AMOTL1: variants seen among roughly 807,000 people sequenced by gnomAD.
The protein encoded by AMOTL1 is angiomotin-like protein 1.
A neutral mutation model predicts 102.9 loss-of-function variants in AMOTL1; 45 were observed. That is an observed-to-expected ratio of 0.44 (90% CI 0.34 to 0.56). The LOEUF (loss-of-function observed/expected upper bound fraction) is 0.56. Among genes scored for constraint, AMOTL1 ranks in the 20% least tolerant of loss-of-function variants. The probability of loss-of-function intolerance (pLI) is 0.01; values close to 1 mark genes in which losing one functional copy is unlikely to be tolerated. For missense variants in AMOTL1, 1,114 were observed against 1,225.6 expected (o/e 0.91, Z 1.36); for synonymous variants, 481 against 484.7 (o/e 0.99, Z 0.10).
At chr11:94,794,411 G>A (rs1007482323) in intron 1 of AMOTL1, among the ~76,000 whole-genome samples, 2 of 152,180 alleles carry the variant, frequency 1.3e-5, no homozygotes, top group African/African-American at 2.4e-5. Context: ...TCCAGTTTGT[G>A]TGTGAAGCAG....
At chr11:94,844,316 CCT>C (rs140827996) in intron 6 of AMOTL1, among the ~76,000 whole-genome samples, 1 of 151,942 alleles carries the variant, frequency 6.6e-6, no homozygotes. Flanking sequence ...TGCCTTCATA[CCT>C]CTCTCTCTCT....
In AMOTL1 at chr11:94,720,371, C is replaced by T. The variant is rs572751480; in HGVS notation, c.-50-8550C>T. Reference sequence around the variant, plus strand: ...GCGAAACAGCTGCACCTCAGAAGCCCAGACTGTGGCTGGTACCGGAAGGTT... The same window carrying T: ...GCGAAACAGCTGCACCTCAGAAGCCTAGACTGTGGCTGGTACCGGAAGGTT... On this transcript the variant is annotated intron_variant, in intron 1 of 4. Transcript: ENST00000299004. Among the ~76,000 whole-genome samples, 45 of 152,226 alleles carry T rather than the reference C, an allele frequency of 3.0e-4. 3 individuals carry two copies. In the Middle Eastern group the frequency reaches 0.01, roughly 35 times the overall value.
At chr11:94,804,902 T>C (rs1951543216) in intron 3 of AMOTL1, among the ~76,000 whole-genome samples, 1 of 152,234 alleles carries the variant, frequency 6.6e-6, no homozygotes, top group African/African-American at 2.4e-5. Flanking sequence ...TGCCAGGCAC[T>C]TTGTGTGGGT....
Position 94,813,529 on chromosome 11 carries a change from G to A in AMOTL1, c.1122-8001G>A, listed in dbSNP as rs373680273. 3.3e-4 allele frequency among the ~76,000 whole-genome samples: 51 copies of A among 152,300 alleles called. 1 individual carries two copies. Among genetic ancestry groups the A allele is most frequent in the African/African-American group, 1.0e-3 (43 of 41,572 alleles). Reference sequence around the variant, plus strand: ...TGCAACCATCCGCAGTTTTCAGAAAGGAATGTTATCAGTGGGCACACCTAA... The same window carrying A: ...TGCAACCATCCGCAGTTTTCAGAAAAGAATGTTATCAGTGGGCACACCTAA... On this transcript the variant is annotated intron_variant, in intron 3 of 12. Coordinates refer to ENST00000433060, the MANE Select transcript of AMOTL1 (RefSeq NM_130847.3).
Position 94,799,627 on chromosome 11 carries a change from A to G in AMOTL1, c.437A>G (p.Gln146Arg). ...TTTTCTTCCACGGAAAACCTCACTC[A>G]AGAAGACCCACAAATGGTCTACCAG... ...NNFSSTENLT[Q>R]EDPQMVYQSA... Residue 146 changes from glutamine (Q) to arginine (R), a missense_variant, in exon 3 of 13, where the codon CAA becomes CGA. By Grantham distance (43) the Gln-to-Arg change is conservative. Coordinates refer to ENST00000433060, the MANE Select transcript of AMOTL1 (RefSeq NM_130847.3). The surrounding 1 kb of genome is among the most constrained non-coding windows in gnomAD (Gnocchi z 4.5). 1 of 1,613,978 alleles carries G rather than the reference A, an allele frequency of 6.2e-7. No homozygotes were observed. The highest frequency in any genetic ancestry group is 8.5e-7 in the Non-Finnish European group (1 of 1,179,872).
chr11:94,709,327 A>G (rs1254752148), intron 1 of AMOTL1, among the ~76,000 whole-genome samples: 1 of 151,866 alleles, frequency 6.6e-6, no homozygotes, highest in African/African-American at 2.4e-5. Context: ...GCCAACTACC[A>G]TGTAGAGTCA....
chr11:94,869,547 C>A, intron 12 of AMOTL1, 74 bp downstream of exon 12: 2 of 1,469,088 alleles, frequency 1.4e-6, no homozygotes, highest in Non-Finnish European at 1.8e-6. Flanking sequence ...TTTTGTTGAG[C>A]TAGAGAGGAA....
intron 3 of AMOTL1, among the ~76,000 whole-genome samples, chr11:94,745,175 A>G (rs1326872069): frequency 6.6e-6 from 1 of 151,930 alleles, no homozygotes; most frequent in Non-Finnish European, 1.5e-5. Flanking sequence ...CGTCATTTAC[A>G]TTATGACACA....
At chr11:94,789,575 A>AC (rs1951249538) in intron 1 of AMOTL1, among the ~76,000 whole-genome samples, 1 of 152,230 alleles carries the variant, frequency 6.6e-6, no homozygotes, top group Admixed American at 6.5e-5. Flanking sequence ...GCTTGGTTTC[A>AC]CATGAGGACT....
At chr11:94,717,430 G>GA (rs1265041994) in intron 1 of AMOTL1, among the ~76,000 whole-genome samples, 1 of 150,538 alleles carries the variant, frequency 6.6e-6, no homozygotes, top group Non-Finnish European at 1.5e-5. Context: ...AGATCAGTGG[G>GA]AAAAAATAAA....
At chr11:94,768,957 C>A (rs1950900663) in intron 1 of AMOTL1, among the ~76,000 whole-genome samples, 1 of 152,074 alleles carries the variant, frequency 6.6e-6, no homozygotes, top group Admixed American at 6.5e-5. Flanking sequence ...TCCGGTGCAG[C>A]TTTCCCCGGC....
intron 11 of AMOTL1, chr11:94,866,406 C>A: frequency 1.8e-6 from 1 of 541,692 alleles, no homozygotes; most frequent in Non-Finnish European, 3.3e-6. Context: ...TCAGAATTAT[C>A]TATTATTGTT....
intron 3 of AMOTL1, among the ~76,000 whole-genome samples, chr11:94,741,485 C>T (rs1023519708): frequency 2.6e-5 from 4 of 152,114 alleles, no homozygotes; most frequent in Admixed American, 2.0e-4. Context: ...AACTGTAAGA[C>T]CTAGGAGCTG....
rs1056426369 is a variant in AMOTL1 at position 94,876,044 on chromosome 11, A to G, written c.*5249A>G. On this transcript the variant is annotated 3_prime_UTR_variant, in exon 13 of 13. Coordinates refer to ENST00000433060, the MANE Select transcript of AMOTL1 (RefSeq NM_130847.3). ...ACAGAATTAGAATACTGCTCTCTCT[A>G]TATTGAACTACATATACAGCGTTTT... The G allele has an allele frequency of 6.6e-6, 1 of 152,602 alleles. No homozygotes were observed. Among genetic ancestry groups the G allele is most frequent in the Admixed American group, 6.5e-5 (1 of 15,274 alleles). 9.5% of individuals were successfully genotyped at this position (152,602 alleles called of 1,614,324 possible).
chr11:94,715,009 T>C (rs991158770), intron 1 of AMOTL1, among the ~76,000 whole-genome samples: 3 of 152,160 alleles, frequency 2.0e-5, no homozygotes, highest in Non-Finnish European at 4.4e-5. Flanking sequence ...TTTGGTGCTA[T>C]AAATTTTTCT....
intron 6 of AMOTL1, among the ~76,000 whole-genome samples, chr11:94,837,933 A>G (rs1294176997): frequency 6.6e-6 from 1 of 152,232 alleles, no homozygotes; most frequent in African/African-American, 2.4e-5. Flanking sequence ...TGGAAAACAT[A>G]CTGAAATCCA....
intron 4 of AMOTL1, among the ~76,000 whole-genome samples, chr11:94,828,344 G>A (rs1952006525): frequency 6.6e-6 from 1 of 152,102 alleles, no homozygotes; most frequent in African/African-American, 2.4e-5. Context: ...TCATTGAGCT[G>A]TTTACATTAG....
At chr11:94,831,680 A>C in intron 6 of AMOTL1, 139 bp downstream of exon 6, 2 of 704,544 alleles carry the variant, frequency 2.8e-6, no homozygotes, top group Non-Finnish European at 4.7e-6. Context: ...TATTGATCTC[A>C]GATGAGGCCC....
intron 7 of AMOTL1, among the ~76,000 whole-genome samples, chr11:94,850,890 G>A (rs191159513): frequency 1.1e-4 from 16 of 152,240 alleles, no homozygotes; most frequent in African/African-American, 3.9e-4. Context: ...TTGTTGCTGG[G>A]CACAAAGGAA....
Sources: allele counts gnomAD v4.1 joint callset (sites outside exome capture counted in the v4.1 genomes callset), GRCh38; gene constraint gnomAD v4.1.1; non-coding constraint Gnocchi (gnomAD v3.1); transcripts MANE v1.5; gene names NCBI Gene and HGNC (gene_info 2026-07-23, HGNC 2026-07-21).